The following MGAT4C variants were observed in gnomAD, a reference collection of about 807,000 sequenced individuals.
MGAT4C encodes alpha-1,3-mannosyl-glycoprotein 4-beta-N-acetylglucosaminyltransferase C.
A neutral mutation model predicts 40.1 loss-of-function variants in MGAT4C; 19 were observed. The ratio of observed to expected loss-of-function variants is 0.47; its 90% CI spans 0.33 to 0.70. The LOEUF (loss-of-function observed/expected upper bound fraction) is 0.70. Ranked by LOEUF, MGAT4C falls within the 30% of genes least tolerant of loss-of-function variation. MGAT4C has a pLI of 0.02. For synonymous variants in MGAT4C, 181 were observed against 187.1 expected, an observed-to-expected ratio of 0.97 and a Z score of 0.27; for missense variants, 491 against 563.2, an observed-to-expected ratio of 0.87 and a Z score of 1.30.
At chr12:86,072,412 A>G (rs1868725091) in intron 1 of MGAT4C, among the ~76,000 whole-genome samples, 1 of 152,132 alleles carries the variant, frequency 6.6e-6, no homozygotes, top group African/African-American at 2.4e-5. Context: ...AAAGAAGAGA[A>G]GAAAAAATTA....
At chr12:86,383,954 G>A (rs1166741031) in intron 3 of MGAT4C, among the ~76,000 whole-genome samples, 1 of 152,162 alleles carries the variant, frequency 6.6e-6, no homozygotes, top group Non-Finnish European at 1.5e-5. Flanking sequence ...TGTTGTGGGA[G>A]GGATCTGGTG....
At chr12:86,817,079 T>C (rs530707981) in intron 1 of MGAT4C, among the ~76,000 whole-genome samples, 1 of 150,978 alleles carries the variant, frequency 6.6e-6, no homozygotes, top group East Asian at 1.9e-4. Context: ...CATTGAATTA[T>C]ACATGTTACA....
intron 3 of MGAT4C, among the ~76,000 whole-genome samples, chr12:86,352,832 A>T (rs1396437620): frequency 4.1e-5 from 6 of 147,990 alleles, no homozygotes; most frequent in African/African-American, 1.5e-4. Context: ...ACACATGGAC[A>T]CAGGAAGGGG....
chr12:86,491,766 A>G (rs1253821575), intron 2 of MGAT4C, among the ~76,000 whole-genome samples: 1 of 150,986 alleles, frequency 6.6e-6, no homozygotes, highest in Non-Finnish European at 1.5e-5. Flanking sequence ...CACCACTCCT[A>G]TTCAACATAG....
In MGAT4C at chr12:85,976,989, T is replaced by C. The variant is rs1208079294; in HGVS notation, c.*2300A>G. The C allele has an allele frequency of 6.6e-6, 1 of 151,212 alleles. No individual in the cohort carries two copies. The highest frequency in any genetic ancestry group is 1.9e-4 in the East Asian group (1 of 5,186). 9.4% of individuals were successfully genotyped at this position (151,212 alleles called of 1,614,324 possible). A position where few individuals can be genotyped will look rare whatever the true frequency, so the allele number is the denominator to read the frequency against. ...CCCAGTGTCAACTGTAAAGAAAACA[T>C]AGAGGATCCTTGGATGATTGACCAA... On this transcript the variant is annotated 3_prime_UTR_variant, in exon 5 of 5. Transcript: ENST00000611864.
At chr12:86,025,311 C>T (rs973584272) in intron 2 of MGAT4C, among the ~76,000 whole-genome samples, 1 of 151,532 alleles carries the variant, frequency 6.6e-6, no homozygotes, top group Non-Finnish European at 1.5e-5. Context: ...TTCCTATGTT[C>T]AATCTTGTAA....
rs138362397 is a variant in MGAT4C at position 86,811,801 on chromosome 12, A to G, written c.-262+26865T>C. ...CATCAATGTTCTCTATCATTTTCCAATTTTCAATTTTATTGATTTTTGCTC... is the reference window on the plus strand; with the variant it reads ...CATCAATGTTCTCTATCATTTTCCAGTTTTCAATTTTATTGATTTTTGCTC... On this transcript the variant is annotated intron_variant, in intron 1 of 7. Coordinates refer to the MGAT4C transcript ENST00000548651. 7.5e-5 allele frequency among the ~76,000 whole-genome samples: 11 copies of G among 146,776 alleles called. No homozygotes were observed. The East Asian group carries it at 1.6e-3, about 21-fold the overall frequency.
chr12:86,324,218 C>T (rs140783045), intron 4 of MGAT4C, among the ~76,000 whole-genome samples: 29 of 151,920 alleles, frequency 1.9e-4, no homozygotes, highest in Non-Finnish European at 1.3e-4. Flanking sequence ...ATCTATCTTA[C>T]AAATTTAGGC....
intron 3 of MGAT4C, among the ~76,000 whole-genome samples, chr12:86,367,854 A>G (rs1262923216): frequency 1.3e-5 from 2 of 151,786 alleles, no homozygotes; most frequent in African/African-American, 4.8e-5. Context: ...AAAAAAAACA[A>G]CTCTTAAACT....
chr12:86,450,949 TAA>T (rs1364968951), intron 2 of MGAT4C, among the ~76,000 whole-genome samples: 2 of 152,150 alleles, frequency 1.3e-5, no homozygotes, highest in African/African-American at 2.4e-5. Context: ...TCTTCTACAT[TAA>T]GTGTTATTTT....
At chr12:86,311,491 A>G (rs1261422852) in intron 4 of MGAT4C, among the ~76,000 whole-genome samples, 1 of 151,706 alleles carries the variant, frequency 6.6e-6, no homozygotes, top group Middle Eastern at 3.4e-3. Context: ...TTTTTTTAAT[A>G]AGAGCCACAC....
At chr12:86,809,953 GCAGA>G (rs983002102) in intron 1 of MGAT4C, among the ~76,000 whole-genome samples, 5 of 151,946 alleles carry the variant, frequency 3.3e-5, no homozygotes, top group African/African-American at 1.2e-4. Flanking sequence ...AGATAATTCT[GCAGA>G]CAAATGGCAT....
intron 3 of MGAT4C, among the ~76,000 whole-genome samples, chr12:86,390,290 T>C (rs1956140207): frequency 6.6e-6 from 1 of 152,200 alleles, no homozygotes; most frequent in African/African-American, 2.4e-5. Context: ...TCTGGAGTAC[T>C]ATTGTTAAGA....
At chr12:86,043,175 C>G (rs373732855) in intron 2 of MGAT4C, among the ~76,000 whole-genome samples, 2 of 152,060 alleles carry the variant, frequency 1.3e-5, no homozygotes, top group South Asian at 4.2e-4. Context: ...ATTAGGGTTC[C>G]TAGAGAGACA....
At chr12:86,782,058 T>C (rs1304327785) in intron 1 of MGAT4C, among the ~76,000 whole-genome samples, 1 of 151,912 alleles carries the variant, frequency 6.6e-6, no homozygotes, top group Admixed American at 6.6e-5. Context: ...AGTGGCGTGA[T>C]CTCGGCTTAC....
At chr12:86,605,737 C>T (rs747531386) in intron 2 of MGAT4C, among the ~76,000 whole-genome samples, 2 of 152,096 alleles carry the variant, frequency 1.3e-5, no homozygotes, top group Non-Finnish European at 2.9e-5. Context: ...ATTCCATTCC[C>T]AGCAAGCACT....
At chr12:86,573,475 T>A (rs1960445947) in intron 2 of MGAT4C, among the ~76,000 whole-genome samples, 1 of 152,162 alleles carries the variant, frequency 6.6e-6, no homozygotes, top group South Asian at 2.1e-4. Context: ...CTCCCACACA[T>A]TCAAAACATG....
At chr12:86,098,227 CCT>C (rs1465527470) in intron 1 of MGAT4C, among the ~76,000 whole-genome samples, 1 of 151,562 alleles carries the variant, frequency 6.6e-6, no homozygotes, top group African/African-American at 2.4e-5. Flanking sequence ...TGCTATGTGG[CCT>C]CTCAGCAATT....
intron 2 of MGAT4C, among the ~76,000 whole-genome samples, chr12:86,462,409 G>T (rs1213886546): frequency 6.6e-6 from 1 of 152,200 alleles, no homozygotes; most frequent in East Asian, 1.9e-4. Flanking sequence ...AATATCATCA[G>T]ATGGAGGAGA....
Sources: gnomAD v4.1 joint callset for allele counts (sites outside exome capture counted in the v4.1 genomes callset) on GRCh38, gnomAD v4.1.1 for gene constraint, MANE v1.5 for transcripts, NCBI Gene and HGNC (gene_info 2026-07-23, HGNC 2026-07-21) for gene names.